PRIM2: variants seen among roughly 807,000 people sequenced by gnomAD.
PRIM2 encodes DNA primase subunit 2.
PRIM2 carries 39 observed loss-of-function variants against 67.3 expected under a neutral mutation model. The ratio of observed to expected loss-of-function variants is 0.58; its 90% confidence interval spans 0.45 to 0.76. The LOEUF (loss-of-function observed/expected upper bound fraction) is 0.76. PRIM2 is among the 30% of genes least tolerant of loss of function. The pLI is 0.00. For synonymous variants in PRIM2, 143 were observed against 198.7 expected (o/e 0.72, Z 2.36); for missense variants, 398 against 598.7 (o/e 0.66, Z 3.50).
intron 8 of PRIM2, among the ~76,000 whole-genome samples, chr6:57,519,608 C>G (rs1774569670): frequency 6.6e-6 from 1 of 152,142 alleles, no homozygotes; most frequent in Admixed American, 6.5e-5. Context: ...GTTCTTTTTT[C>G]AAGGTGCCCA....
chr6:57,417,163 C>A (rs1460344220), intron 7 of PRIM2, among the ~76,000 whole-genome samples: 1 of 152,110 alleles, frequency 6.6e-6, no homozygotes, highest in Non-Finnish European at 1.5e-5. Context: ...GACGGGGTTT[C>A]ACCATGTTGG....
intron 7 of PRIM2, among the ~76,000 whole-genome samples, chr6:57,425,160 A>G (rs1771581442): frequency 6.6e-6 from 1 of 152,148 alleles, no homozygotes; most frequent in African/African-American, 2.4e-5. Context: ...TATTTAAATT[A>G]TATTTTCATT....
chr6:57,464,271 CT>C (rs1350723368), intron 7 of PRIM2, among the ~76,000 whole-genome samples: 5 of 151,954 alleles, frequency 3.3e-5, no homozygotes, highest in African/African-American at 1.2e-4. Flanking sequence ...TTTTGTATTT[CT>C]TTTTTTCCTT....
chr6:57,383,489 A>T (rs1248107242), intron 7 of PRIM2: 2 of 151,918 alleles, frequency 1.3e-5, no homozygotes, highest in Non-Finnish European at 2.9e-5. Flanking sequence ...CCTTCTTACC[A>T]AATTTTTAAT....
intron 13 of PRIM2, among the ~76,000 whole-genome samples, chr6:57,633,809 G>C (rs1777073977): frequency 6.6e-6 from 1 of 152,150 alleles, no homozygotes; most frequent in Admixed American, 6.5e-5. Flanking sequence ...GTGGAACTCA[G>C]GCAGTGATGC....
At chr6:57,431,734 T>C (rs1383524665) in intron 7 of PRIM2, among the ~76,000 whole-genome samples, 1 of 152,200 alleles carries the variant, frequency 6.6e-6, no homozygotes, top group Non-Finnish European at 1.5e-5. Context: ...CACCTAATGA[T>C]ACTTTCATAG....
intron 7 of PRIM2, among the ~76,000 whole-genome samples, chr6:57,455,509 C>T (rs1694389850): frequency 6.6e-6 from 1 of 152,172 alleles, no homozygotes; most frequent in Non-Finnish European, 1.5e-5. Context: ...GTTAGCTCTT[C>T]TTGTTGAATT....
chr6:57,614,701 T>C (rs1380954615), intron 12 of PRIM2, among the ~76,000 whole-genome samples: 1 of 152,170 alleles, frequency 6.6e-6, no homozygotes, highest in African/African-American at 2.4e-5. Context: ...ATACAAAAAA[T>C]TAGCCGGGCG....
chr6:57,254,835 A>G, the PRIM2 span, among the ~76,000 whole-genome samples: 1 of 152,184 alleles, frequency 6.6e-6, no homozygotes, highest in Admixed American at 6.5e-5. Context: ...CTCCAGAGGA[A>G]GGTCTTCAGG....
chr6:57,267,061 TTGATA>T, the PRIM2 span, among the ~76,000 whole-genome samples: 1 of 152,190 alleles, frequency 6.6e-6, no homozygotes, highest in Admixed American at 6.5e-5. Context: ...GACAAATGTC[TTGATA>T]TAAGTCTAAA....
At chr6:57,408,056 G>T (rs1338903987) in intron 7 of PRIM2, among the ~76,000 whole-genome samples, 2 of 152,240 alleles carry the variant, frequency 1.3e-5, no homozygotes, top group African/African-American at 4.8e-5. Flanking sequence ...CTCCCCCTTT[G>T]TGGGAAGCAG....
intron 5 of PRIM2, among the ~76,000 whole-genome samples, chr6:57,361,022 G>A (rs1401208016): frequency 2.6e-5 from 4 of 152,132 alleles, no homozygotes; most frequent in East Asian, 3.9e-4. Flanking sequence ...TGGAAGGAGC[G>A]GGTATTTTAT....
intron 7 of PRIM2, among the ~76,000 whole-genome samples, chr6:57,450,055 G>A (rs1366741608): frequency 7.2e-5 from 11 of 152,128 alleles, no homozygotes; most frequent in Non-Finnish European, 1.6e-4. Context: ...ACTTAAAGGT[G>A]AAAATTTATA....
At chr6:57,561,168 T>C (rs1775620567) in intron 10 of PRIM2, among the ~76,000 whole-genome samples, 3 of 152,218 alleles carry the variant, frequency 2.0e-5, no homozygotes. Flanking sequence ...CTTGTACTTT[T>C]ATATCATGGA....
At chr6:57,437,796 C>T (rs1221398978) in intron 7 of PRIM2, among the ~76,000 whole-genome samples, 1 of 151,540 alleles carries the variant, frequency 6.6e-6, no homozygotes, top group African/African-American at 2.4e-5. Context: ...TCTCGAGTAG[C>T]TAGGACGAAA....
At chr6:57,238,969 C>T in the PRIM2 span, among the ~76,000 whole-genome samples, 1 of 151,916 alleles carries the variant, frequency 6.6e-6, no homozygotes, top group Non-Finnish European at 1.5e-5. Context: ...CAATGTATTC[C>T]CTGTTTTTCT....
intron 11 of PRIM2, among the ~76,000 whole-genome samples, chr6:57,601,884 A>G (rs1776473676): frequency 6.6e-6 from 1 of 152,142 alleles, no homozygotes; most frequent in Non-Finnish European, 1.5e-5. Context: ...TTTTTAAAAG[A>G]CTGCACACTT....
At position 57,541,401 on chromosome 6, in the gene PRIM2, C is replaced by G. The variant is rs1317179495; in HGVS notation, c.1020+3776C>G. ...ACTGTGCCTGGCCTATTATGACTTT[C>G]TTAATTTTTTTTTCTCCAATTTACT... On this transcript the variant is annotated intron_variant, in intron 10 of 13. Coordinates refer to ENST00000615550, the MANE Select transcript of PRIM2 (RefSeq NM_000947.5). Among the ~76,000 whole-genome samples, 1,409 of 152,060 alleles carry G rather than the reference C, an allele frequency of 9.3e-3. 22 individuals carry two copies. The highest frequency in any genetic ancestry group is 0.033 in the African/African-American group (1,356 of 41,462).
the PRIM2 span, among the ~76,000 whole-genome samples, chr6:57,258,496 T>G: frequency 6.6e-6 from 1 of 152,206 alleles, no homozygotes; most frequent in Non-Finnish European, 1.5e-5. Flanking sequence ...CTGCCAAAAC[T>G]TGGCAGTAGA....
Sources: gnomAD v4.1 joint callset for allele counts (sites outside exome capture counted in the v4.1 genomes callset) on GRCh38, gnomAD v4.1.1 for gene constraint, MANE v1.5 for transcripts, NCBI Gene and HGNC (gene_info 2026-07-23, HGNC 2026-07-21) for gene names.